The following RSPO2 variants were observed in gnomAD, a reference collection of about 807,000 sequenced individuals.
The protein encoded by RSPO2 is R-spondin 2, also known as R-spondin-2.
In RSPO2, 14 loss-of-function variants were observed where a neutral mutation model predicts 30.9. That is an observed-to-expected ratio of 0.45 (90% CI 0.30 to 0.71). The LOEUF is 0.71. Among genes scored for constraint, RSPO2 ranks in the 30% least tolerant of loss-of-function variants. RSPO2 has a pLI of 0.08. For synonymous variants in RSPO2, 107 were observed against 96.4 expected, an observed-to-expected ratio of 1.11 and a Z score of -0.64; for missense variants, 264 against 301.9, an observed-to-expected ratio of 0.87 and a Z score of 0.93.
At chr8:108,014,593 A>C (rs1161014096) in intron 2 of RSPO2, among the ~76,000 whole-genome samples, 1 of 152,122 alleles carries the variant, frequency 6.6e-6, no homozygotes, top group Non-Finnish European at 1.5e-5. Context: ...TTAACACAGG[A>C]ACAGAAAACT....
intron 2 of RSPO2, among the ~76,000 whole-genome samples, chr8:107,990,177 A>G (rs1176617191): frequency 6.6e-6 from 1 of 152,210 alleles, no homozygotes; most frequent in African/African-American, 2.4e-5. Context: ...GAATGGTAGA[A>G]GAGAATGACA....
At chr8:107,953,363 T>C (rs967498525) in intron 5 of RSPO2, among the ~76,000 whole-genome samples, 1 of 152,086 alleles carries the variant, frequency 6.6e-6, no homozygotes, top group Non-Finnish European at 1.5e-5. Flanking sequence ...GACCAATGAC[T>C]CTAAAGGAGA....
At chr8:107,992,800 A>G (rs1335428251) in intron 2 of RSPO2, among the ~76,000 whole-genome samples, 1 of 152,218 alleles carries the variant, frequency 6.6e-6, no homozygotes, top group African/African-American at 2.4e-5. Context: ...TAGCCGAGAT[A>G]CTATCTTCAA....
intron 5 of RSPO2, among the ~76,000 whole-genome samples, chr8:107,956,201 A>G (rs1489078445): frequency 6.6e-6 from 1 of 152,208 alleles, no homozygotes; most frequent in Non-Finnish European, 1.5e-5. Context: ...CTCAACAATT[A>G]TATTTAGTTT....
At chr8:108,077,188 A>G (rs914340877) in intron 2 of RSPO2, among the ~76,000 whole-genome samples, 2 of 152,346 alleles carry the variant, frequency 1.3e-5, no homozygotes, top group Middle Eastern at 3.4e-3. Context: ...TAAAGAAAAG[A>G]AAATCTTTTT....
intron 3 of RSPO2, among the ~76,000 whole-genome samples, chr8:107,976,986 A>C (rs555685802): frequency 6.6e-6 from 1 of 152,314 alleles, no homozygotes; most frequent in South Asian, 2.1e-4. Context: ...TTAGAGAAGG[A>C]AGAAACATGG....
chr8:107,943,775 C>A (rs1812972212), intron 5 of RSPO2, among the ~76,000 whole-genome samples: 1 of 152,094 alleles, frequency 6.6e-6, no homozygotes, highest in Non-Finnish European at 1.5e-5. Flanking sequence ...ACATTTGAGG[C>A]CAAAATTACT....
At chr8:107,922,404 A>T (rs1193648613) in intron 5 of RSPO2, among the ~76,000 whole-genome samples, 1 of 152,152 alleles carries the variant, frequency 6.6e-6, no homozygotes, top group Admixed American at 6.6e-5. Flanking sequence ...GAGGTGAAAG[A>T]TCTACAAAAC....
At chr8:107,924,359 T>C (rs1362049267) in intron 5 of RSPO2, among the ~76,000 whole-genome samples, 1 of 152,008 alleles carries the variant, frequency 6.6e-6, no homozygotes, top group Non-Finnish European at 1.5e-5. Flanking sequence ...AAGGTGGAAC[T>C]TAGTACTGCA....
intron 2 of RSPO2, among the ~76,000 whole-genome samples, chr8:108,020,523 T>C (rs1171389456): frequency 6.6e-6 from 1 of 152,114 alleles, no homozygotes; most frequent in East Asian, 1.9e-4. Context: ...CAAACTCGAG[T>C]TTGTTTCTGC....
At chr8:107,936,302 C>T (rs11780656) in intron 5 of RSPO2, among the ~76,000 whole-genome samples, 22,139 of 152,074 alleles carry the variant, frequency 0.15, 2,101 homozygotes, top group Non-Finnish European at 0.21. Context: ...AATAGTATTC[C>T]ATTGTGTTTA....
intron 2 of RSPO2, among the ~76,000 whole-genome samples, chr8:108,062,659 C>T (rs4735037): frequency 6.6e-6 from 1 of 151,526 alleles, no homozygotes; most frequent in Non-Finnish European, 1.5e-5. Context: ...CAGAAAAAGA[C>T]GGAATCCTCC....
chr8:107,992,202 C>T (rs180758423), intron 2 of RSPO2, among the ~76,000 whole-genome samples: 3 of 151,764 alleles, frequency 2.0e-5, no homozygotes, highest in Admixed American at 6.6e-5. Flanking sequence ...CACACACACA[C>T]ACCATGGAAT....
intron 5 of RSPO2, among the ~76,000 whole-genome samples, chr8:107,903,903 C>T (rs1009346979): frequency 6.6e-6 from 1 of 151,964 alleles, no homozygotes; most frequent in African/African-American, 2.4e-5. Context: ...TTTTGTGGTC[C>T]ATACTACGTT....
intron 2 of RSPO2, among the ~76,000 whole-genome samples, chr8:108,061,032 A>G (rs1483368652): frequency 6.6e-6 from 1 of 151,862 alleles, no homozygotes; most frequent in Non-Finnish European, 1.5e-5. Context: ...CTCCTGAAGG[A>G]AGCACTAAAC....
At chr8:107,936,936 A>C (rs2130362682) in intron 5 of RSPO2, among the ~76,000 whole-genome samples, 1 of 152,176 alleles carries the variant, frequency 6.6e-6, no homozygotes, top group South Asian at 2.1e-4. Context: ...ATCCCTTTCA[A>C]CAGATCGTCT....
intron 3 of RSPO2, among the ~76,000 whole-genome samples, chr8:107,972,151 C>CT (rs559178839): frequency 0.06 from 8,805 of 146,174 alleles, 637 homozygotes; most frequent in African/African-American, 0.18. Context: ...TAAACACAGT[C>CT]TTTTTTTTTT....
At chr8:107,935,110 G>A (rs985209837) in intron 5 of RSPO2, among the ~76,000 whole-genome samples, 4 of 152,126 alleles carry the variant, frequency 2.6e-5, no homozygotes, top group African/African-American at 9.7e-5. Context: ...GAACAGAATA[G>A]TATTTCTCTT....
Position 107,932,748 on chromosome 8 carries a change from A to T in RSPO2, c.616+25332T>A, listed in dbSNP as rs766440066. On this transcript the variant is annotated intron_variant, in intron 5 of 5. Coordinates refer to ENST00000276659, the MANE Select transcript of RSPO2 (RefSeq NM_178565.5). Reference sequence around the variant, plus strand: ...AATTGTCTGTCATAAAGAGAAAACAACATCATCTACTGAAAAGAAACAGTC... The same window carrying T: ...AATTGTCTGTCATAAAGAGAAAACATCATCATCTACTGAAAAGAAACAGTC... 1.2e-4 allele frequency among the ~76,000 whole-genome samples: 19 copies of T among 152,230 alleles called. No homozygotes were observed. In the East Asian group the frequency reaches 1.4e-3, roughly 11 times the overall value.
Sources: allele counts gnomAD v4.1 joint callset (sites outside exome capture counted in the v4.1 genomes callset), GRCh38; gene constraint gnomAD v4.1.1; transcripts MANE v1.5; gene names NCBI Gene and HGNC (gene_info 2026-07-23, HGNC 2026-07-21).